The following MRTFA variants were observed in gnomAD, a reference collection of about 807,000 sequenced individuals.
The protein encoded by MRTFA is myocardin related transcription factor A.
MRTFA carries 20 observed loss-of-function variants against 83.5 expected under a neutral mutation model. That is an observed-to-expected ratio of 0.24 (90% CI 0.17 to 0.35). MRTFA has a LOEUF of 0.35. MRTFA is among the 10% of genes least tolerant of loss of function. MRTFA has a pLI of 1.00. For synonymous variants in MRTFA, 659 were observed against 541.2 expected, an observed-to-expected ratio of 1.22 and a Z score of -3.02; for missense variants, 1,200 against 1,224.7, an observed-to-expected ratio of 0.98 and a Z score of 0.30.
chr22:40,425,560 T>C (rs2052936481), intron 7 of MRTFA, among the ~76,000 whole-genome samples: 1 of 152,178 alleles, frequency 6.6e-6, no homozygotes, highest in Admixed American at 6.5e-5. Flanking sequence ...GAAGGATGCA[T>C]CTGAGCTTCT....
rs925003061 is a variant in MRTFA at position 40,410,646 on chromosome 22, C to T, written c.*744G>A. The T allele has an allele frequency of 3.4e-5, 8 of 233,282 alleles. No homozygotes were observed. The highest frequency in any genetic ancestry group is 5.1e-5 in the Non-Finnish European group (6 of 117,904). 14.5% of individuals were successfully genotyped at this position (233,282 alleles called of 1,614,324 possible). On this transcript the variant is annotated 3_prime_UTR_variant, in exon 15 of 15. Coordinates refer to ENST00000355630, the MANE Select transcript of MRTFA (RefSeq NM_020831.6). ...GCAGGGTACCTACATGTCAATCACA[C>T]GTGATGGGTGGGCCTGGGTAGCTGC...
intron 3 of MRTFA, among the ~76,000 whole-genome samples, chr22:40,490,470 G>A (rs1000595038): frequency 6.6e-6 from 1 of 151,962 alleles, no homozygotes; most frequent in Non-Finnish European, 1.5e-5. Flanking sequence ...ATGGTGGTGG[G>A]TACCTGTAGT....
intron 4 of MRTFA, among the ~76,000 whole-genome samples, chr22:40,449,274 G>GAAAAAAAAAA (rs35140973): frequency 9.1e-5 from 8 of 87,946 alleles, no homozygotes; most frequent in Admixed American, 2.6e-4. Context: ...CTCCAAACGA[G>GAAAAAAAAAA]AAAAAAAAAA....
At chr22:40,459,818 CACACAT>C (rs1291492979) in intron 4 of MRTFA, among the ~76,000 whole-genome samples, 15 of 90,196 alleles carry the variant, frequency 1.7e-4, no homozygotes, top group African/African-American at 6.1e-4. Flanking sequence ...CACACACACA[CACACAT>C]ATATACATAT....
chr22:40,592,746 G>A (rs892553616), intron 2 of MRTFA, among the ~76,000 whole-genome samples: 3 of 152,050 alleles, frequency 2.0e-5, no homozygotes, highest in East Asian at 1.9e-4. Context: ...ATCCACCTCA[G>A]CCGCCCAAAG....
intron 3 of MRTFA, among the ~76,000 whole-genome samples, chr22:40,468,385 T>C (rs1237611344): frequency 2.0e-5 from 3 of 151,998 alleles, no homozygotes; most frequent in Non-Finnish European, 2.9e-5. Context: ...GAAGATAAAG[T>C]ATAAATTATG....
At chr22:40,571,226 G>T (rs1291439272) in intron 2 of MRTFA, among the ~76,000 whole-genome samples, 1 of 151,536 alleles carries the variant, frequency 6.6e-6, no homozygotes, top group African/African-American at 2.4e-5. Flanking sequence ...TAAAATAAAA[G>T]AATGAAGTTA....
At chr22:40,476,545 C>A (rs1348539164) in intron 3 of MRTFA, among the ~76,000 whole-genome samples, 2 of 152,142 alleles carry the variant, frequency 1.3e-5, no homozygotes, top group Non-Finnish European at 2.9e-5. Context: ...GCAGCCTCAA[C>A]TTCCTGGGCT....
intron 4 of MRTFA, among the ~76,000 whole-genome samples, chr22:40,446,110 C>T (rs369241177): frequency 7.9e-5 from 12 of 152,122 alleles, no homozygotes; most frequent in African/African-American, 2.9e-4. Flanking sequence ...AGTGATGGTG[C>T]TAAAAGTTTG....
chr22:40,423,625 G>C lies in MRTFA; in HGVS notation c.838C>G (p.Pro280Ala), dbSNP rs78093737. ...AGCAGAGGTGGGGGAGGCAGAGGAGGCTGCTCTGCCAGGAAAAGCATTTCT... is the reference window on the plus strand; with the variant it reads ...AGCAGAGGTGGGGGAGGCAGAGGAGCCTGCTCTGCCAGGAAAAGCATTTCT... Residue 280 changes from proline (P) to alanine (A), a missense_variant, in exon 9 of 15, where the codon CCT becomes GCT. Around this residue, in one of 2 missense-constraint regions of MRTFA, gnomAD observed 1,107 missense variants for 1,041.8 expected, o/e 1.06. Transcript: ENST00000355630. 3.5e-4 allele frequency: 556 copies of C among 1,598,076 alleles called. 2 individuals are homozygous for C. The African/African-American group carries it at 7.0e-3, about 20-fold the overall frequency.
chr22:40,612,814 A>AT (rs2056402392), intron 1 of MRTFA, among the ~76,000 whole-genome samples: 2 of 152,138 alleles, frequency 1.3e-5, no homozygotes, highest in African/African-American at 4.8e-5. Flanking sequence ...AGCTGGGTAT[A>AT]GTGGTGCATG....
chr22:40,490,100 A>G (rs908076221), intron 3 of MRTFA, among the ~76,000 whole-genome samples: 2 of 152,136 alleles, frequency 1.3e-5, no homozygotes, highest in African/African-American at 4.8e-5. Flanking sequence ...CATGTAACAC[A>G]GATATTTTTA....
At chr22:40,545,312 A>C (rs1368693927) in intron 3 of MRTFA, among the ~76,000 whole-genome samples, 1 of 152,224 alleles carries the variant, frequency 6.6e-6, no homozygotes, top group Non-Finnish European at 1.5e-5. Flanking sequence ...AGGCCAGTAA[A>C]GATTGGGTTA....
chr22:40,614,165 G>A (rs965012851), intron 1 of MRTFA, among the ~76,000 whole-genome samples: 10 of 151,516 alleles, frequency 6.6e-5, no homozygotes, highest in African/African-American at 2.4e-4. Context: ...TCACACCATT[G>A]TACTCCAGCC....
In MRTFA at chr22:40,419,236, T is replaced by G. The variant is rs767947292; in HGVS notation, c.1502A>C (p.His501Pro). The G allele has an allele frequency of 3.7e-5, 59 of 1,610,178 alleles. No homozygotes were observed. The highest frequency in any genetic ancestry group is 5.0e-5 in the Non-Finnish European group (59 of 1,178,450). Residue 501 changes from histidine (H) to proline (P), a missense_variant, in exon 12 of 15, where the codon CAC (histidine) becomes CCC (proline). Physicochemically the swap from His to Pro is moderately conservative, Grantham distance 77. Transcript: ENST00000355630. Reference sequence around the variant, plus strand: ...GGCTACCACCACCTCGCCAGCCTTGTGCAGGATAGAGGTGGCGGCAGGGGC... The same window carrying G: ...GGCTACCACCACCTCGCCAGCCTTGGGCAGGATAGAGGTGGCGGCAGGGGC...
rs547581782 is a variant in MRTFA at position 40,543,251 on chromosome 22, GC to G, written c.241+8854del. ...AATACTGTAATTTGGATCAGAAACT[GC>G]CCACTCAAAATTTTTACTTCTCCCA... On this transcript the variant is annotated intron_variant, in intron 3 of 14. Coordinates refer to ENST00000355630, the MANE Select transcript of MRTFA (RefSeq NM_020831.6). 1.2e-4 allele frequency among the ~76,000 whole-genome samples: 18 copies of G among 152,164 alleles called. No homozygotes were observed. The South Asian group carries it at 3.5e-3, about 30-fold the overall frequency.
In MRTFA at chr22:40,478,403, G is replaced by T. The variant is rs569539157; in HGVS notation, c.242-15117C>A. ...TAACATTAGGGGCAACTGGATCAAGGATACACAGGAACTCTCCGTACTATC... is the reference window on the plus strand; with the variant it reads ...TAACATTAGGGGCAACTGGATCAAGTATACACAGGAACTCTCCGTACTATC... On this transcript the variant is annotated intron_variant, in intron 3 of 14. Transcript: ENST00000355630. Among the ~76,000 whole-genome samples, 22 of 152,268 alleles carry T rather than the reference G, an allele frequency of 1.4e-4. 1 individual carries two copies. The highest frequency in any genetic ancestry group is 5.3e-4 in the African/African-American group (22 of 41,514).
At chr22:40,559,716 C>A (rs904403724) in intron 2 of MRTFA, among the ~76,000 whole-genome samples, 1 of 152,130 alleles carries the variant, frequency 6.6e-6, no homozygotes, top group Non-Finnish European at 1.5e-5. Flanking sequence ...AGAACACATA[C>A]ATTTTTAATA....
At chr22:40,499,393 A>C (rs1173203432) in intron 3 of MRTFA, among the ~76,000 whole-genome samples, 1 of 152,238 alleles carries the variant, frequency 6.6e-6, no homozygotes, top group African/African-American at 2.4e-5. Context: ...ACTGAGGAGC[A>C]GAGGTGCCAG....
Sources: allele counts gnomAD v4.1 joint callset (sites outside exome capture counted in the v4.1 genomes callset), GRCh38; gene constraint gnomAD v4.1.1; regional missense constraint gnomAD v4.1.1; transcripts MANE v1.5; gene names NCBI Gene and HGNC (gene_info 2026-07-23, HGNC 2026-07-21).